The following SMAP2 variants were observed in gnomAD, a reference collection of about 807,000 sequenced individuals.
SMAP2 encodes small ArfGAP2.
A neutral mutation model predicts 56.4 loss-of-function variants in SMAP2; 25 were observed. The ratio of observed to expected loss-of-function variants is 0.44; its 90% confidence interval spans 0.32 to 0.62. SMAP2 has a LOEUF of 0.62. Ranked by LOEUF, SMAP2 falls within the 20% of genes least tolerant of loss-of-function variation. SMAP2 has a pLI of 0.04. For synonymous variants in SMAP2, 157 were observed against 181.7 expected, an observed-to-expected ratio of 0.86 and a Z score of 1.09; for missense variants, 388 against 545.6, an observed-to-expected ratio of 0.71 and a Z score of 2.88.
At chr1:40,375,739 T>C in intron 1 of SMAP2, 1 of 974,218 alleles carries the variant, frequency 1.0e-6, no homozygotes, top group Non-Finnish European at 1.2e-6. Flanking sequence ...TATGTCCTCA[T>C]TTGACAGATC....
At chr1:40,349,515 CT>C (rs1644401637) in intron 1 of SMAP2, among the ~76,000 whole-genome samples, 1 of 152,016 alleles carries the variant, frequency 6.6e-6, no homozygotes, top group Admixed American at 6.6e-5. Context: ...CTTTTTCCTT[CT>C]TTTTTCTTTC....
intron 1 of SMAP2, among the ~76,000 whole-genome samples, chr1:40,390,869 C>T (rs965088767): frequency 3.3e-5 from 5 of 152,164 alleles, no homozygotes; most frequent in South Asian, 4.1e-4. Flanking sequence ...GTACTCTAAA[C>T]GTGTATCTGT....
At chr1:40,399,399 A>T (rs1644807337) in intron 1 of SMAP2, among the ~76,000 whole-genome samples, 1 of 144,656 alleles carries the variant, frequency 6.9e-6, no homozygotes, top group Non-Finnish European at 1.5e-5. Context: ...ACCTCAGGTC[A>T]TCTGTCCACC....
intron 1 of SMAP2, among the ~76,000 whole-genome samples, chr1:40,350,989 C>CA (rs1644407108): frequency 6.6e-6 from 1 of 152,200 alleles, no homozygotes; most frequent in African/African-American, 2.4e-5. Context: ...TCTGAAGACT[C>CA]AAAGTCAGGA....
At position 40,374,656 on chromosome 1, in the gene SMAP2, G is replaced by A. The variant is rs1224818074; in HGVS notation, c.103+433G>A. 3 of 1,548,732 alleles carry A rather than the reference G, an allele frequency of 1.9e-6. No homozygotes were observed. The highest frequency in any genetic ancestry group is 2.6e-6 in the Non-Finnish European group (3 of 1,145,630). ...GAGAGAGAGAGAATGACGAGGAGGA[G>A]GAGGAGGGAAGTGAGATGGCGGAAA... On this transcript the variant is annotated intron_variant, in intron 1 of 9. Coordinates refer to ENST00000372718, the MANE Select transcript of SMAP2 (RefSeq NM_022733.3). The surrounding 1 kb of genome is among the most constrained non-coding windows in gnomAD (Gnocchi z 5.9).
At chr1:40,372,151 G>A (rs182069544), upstream of SMAP2, among the ~76,000 whole-genome samples, 2 of 152,204 alleles carry the variant, frequency 1.3e-5, no homozygotes, top group African/African-American at 4.8e-5. Flanking sequence ...TAGAGAGCAC[G>A]GTGAAGGATT....
chr1:40,360,228 G>T (rs1011702102), intron 1 of SMAP2, among the ~76,000 whole-genome samples: 1 of 150,526 alleles, frequency 6.6e-6, no homozygotes, highest in Non-Finnish European at 1.5e-5. Context: ...GGATGGTCTC[G>T]ATCTCCTGAC....
At chr1:40,357,016 GA>G (rs1458596586) in intron 1 of SMAP2, among the ~76,000 whole-genome samples, 1 of 149,170 alleles carries the variant, frequency 6.7e-6, no homozygotes, top group East Asian at 1.9e-4. Flanking sequence ...CAGATTATTA[GA>G]TTTTTTTCCT....
At chr1:40,349,271 G>C (rs1644400737) in intron 1 of SMAP2, among the ~76,000 whole-genome samples, 1 of 152,154 alleles carries the variant, frequency 6.6e-6, no homozygotes, top group Admixed American at 6.5e-5. Flanking sequence ...GCTGTTCATA[G>C]TCAATAATAA....
intron 1 of SMAP2, among the ~76,000 whole-genome samples, chr1:40,356,312 G>A (rs376457728): frequency 6.1e-4 from 93 of 152,026 alleles, no homozygotes; most frequent in African/African-American, 2.1e-3. Context: ...ATATCCCCTC[G>A]ATATACTGAT....
At position 40,419,692 on chromosome 1, in the gene SMAP2, T is replaced by C. The variant is rs932406800; in HGVS notation, c.1165-2284T>C. On this transcript the variant is annotated intron_variant, in intron 9 of 9. Transcript: ENST00000372718. ...CATACCAGTCATACCAGTAGGCAAC[T>C]CTTCTATCAAAAGAAAATGATGTTC... 2.0e-5 allele frequency among the ~76,000 whole-genome samples: 3 copies of C among 152,230 alleles called. No homozygotes were observed. The East Asian group carries it at 5.8e-4, about 29-fold the overall frequency.
intron 1 of SMAP2, among the ~76,000 whole-genome samples, chr1:40,351,287 T>C (rs1557820380): frequency 6.6e-6 from 1 of 152,148 alleles, no homozygotes. Context: ...AAGGAGATAC[T>C]CATCTGTCTT....
intron 1 of SMAP2, among the ~76,000 whole-genome samples, chr1:40,388,381 C>G (rs1299087561): frequency 1.3e-5 from 2 of 152,234 alleles, no homozygotes; most frequent in East Asian, 3.8e-4. Context: ...CCAGTCGGCA[C>G]TCTGTATCTA....
chr1:40,419,024 A>G (rs1423552426), intron 9 of SMAP2, among the ~76,000 whole-genome samples: 1 of 152,216 alleles, frequency 6.6e-6, no homozygotes, highest in Non-Finnish European at 1.5e-5. Context: ...GGTGGTGACA[A>G]GCGTTGCAGA....
chr1:40,403,045 A>C (rs1333983271), intron 1 of SMAP2, among the ~76,000 whole-genome samples: 1 of 152,154 alleles, frequency 6.6e-6, no homozygotes, highest in Non-Finnish European at 1.5e-5. Context: ...TGAGGGTTTA[A>C]AAAGTGCATT....
chr1:40,421,913 C>G, intron 9 of SMAP2, 63 bp from the exon 10 acceptor site: 1 of 1,601,788 alleles, frequency 6.2e-7, no homozygotes, highest in East Asian at 2.2e-5. Flanking sequence ...TCTCACCCTG[C>G]CTTTTGCACT....
intron 9 of SMAP2, 149 bp from the exon 10 acceptor site, chr1:40,421,827 G>A: frequency 1.2e-6 from 1 of 837,914 alleles, no homozygotes; most frequent in Non-Finnish European, 1.8e-6. Context: ...TGATCTGACT[G>A]CTAAGGTCCA....
At chr1:40,345,244 A>T (rs1220348060) in intron 1 of SMAP2, among the ~76,000 whole-genome samples, 1 of 152,094 alleles carries the variant, frequency 6.6e-6, no homozygotes, top group Non-Finnish European at 1.5e-5. Context: ...CTCTACAAAA[A>T]ATTAAAAAAT....
intron 7 of SMAP2, among the ~76,000 whole-genome samples, chr1:40,415,797 C>G (rs1473548641): frequency 6.6e-6 from 1 of 152,186 alleles, no homozygotes; most frequent in Non-Finnish European, 1.5e-5. Context: ...TAATTTCACT[C>G]CTTCACCACA....
Sources: allele counts gnomAD v4.1 joint callset (sites outside exome capture counted in the v4.1 genomes callset), GRCh38; gene constraint gnomAD v4.1.1; non-coding constraint Gnocchi (gnomAD v3.1); transcripts MANE v1.5; gene names NCBI Gene and HGNC (gene_info 2026-07-23, HGNC 2026-07-21).